The following GDF6 variants were observed in gnomAD, a reference collection of about 807,000 sequenced individuals.
GDF6 encodes growth/differentiation factor 6.
Under a neutral mutation model 32.4 loss-of-function variants are expected in GDF6, and 3 were observed. That is an observed-to-expected ratio of 0.09 (90% CI 0.04 to 0.24). GDF6 has a LOEUF of 0.24. Ranked by LOEUF, GDF6 falls within the 10% of genes least tolerant of loss-of-function variation. The pLI is 1.00. For missense variants in GDF6, 589 were observed against 637.9 expected, an observed-to-expected ratio of 0.92 and a Z score of 0.83; for synonymous variants, 296 against 295.3, an observed-to-expected ratio of 1.00 and a Z score of -0.03.
In GDF6 at chr8:96,145,500, C is replaced by T. The variant is rs1334355335; in HGVS notation, c.431G>A (p.Arg144Gln). The T allele has an allele frequency of 1.9e-6, 3 of 1,597,916 alleles. No individual in the cohort carries two copies. In the East Asian group the frequency reaches 6.7e-5, roughly 36 times the overall value. Residue 144 changes from arginine to glutamine, a missense_variant, in exon 2 of 2, where the codon CGG (arginine) becomes CAG (glutamine). Coordinates refer to ENST00000287020, the MANE Select transcript of GDF6 (RefSeq NM_001001557.4). This position sits in a 1 kb window ranked among gnomAD's most constrained non-coding sequence, Gnocchi z 5.6. Reference sequence around the variant, plus strand: ...CACATCAAACAAATACTTCTGTCTCCGGAGAGGAGTGTGCGAGAGATCGTC... The same window carrying T: ...CACATCAAACAAATACTTCTGTCTCTGGAGAGGAGTGTGCGAGAGATCGTC... ...GLDDLSHTPL[R>Q]RQKYLFDVSM...
chr8:96,155,252 C>T (rs1164596027), intron 1 of GDF6, among the ~76,000 whole-genome samples: 3 of 152,278 alleles, frequency 2.0e-5, no homozygotes. Context: ...CGCCAAGAAT[C>T]CCTGCGCAAC....
chr8:96,148,479 A>G (rs990483995), intron 1 of GDF6, among the ~76,000 whole-genome samples: 3 of 152,256 alleles, frequency 2.0e-5, no homozygotes, highest in African/African-American at 7.2e-5. Flanking sequence ...AATCTGCATC[A>G]TCAGCATCAC....
In GDF6 at chr8:96,144,501, T is replaced by C. The variant is rs1041765653; in HGVS notation, c.*62A>G. 1.3e-5 allele frequency: 21 copies of C among 1,586,148 alleles called. No homozygotes were observed. The highest frequency in any genetic ancestry group is 1.8e-5 in the Non-Finnish European group (21 of 1,166,638). ...TCCTCCGCCTCTCTGCAGCCAGGCC[T>C]CCCCTGCAAGGCGGACCTTGGCCCA... On this transcript the variant is annotated 3_prime_UTR_variant, in exon 2 of 2. Coordinates refer to ENST00000287020, the MANE Select transcript of GDF6 (RefSeq NM_001001557.4). This position sits in a 1 kb window ranked among gnomAD's most constrained non-coding sequence, Gnocchi z 5.1.
chr8:96,144,497 G>A lies in GDF6; in HGVS notation c.*66C>T. 5 of 1,578,692 alleles carry A rather than the reference G, an allele frequency of 3.2e-6. No homozygotes were observed. Among genetic ancestry groups the A allele is most frequent in the Middle Eastern group, 3.4e-4 (2 of 5,832 alleles). ...TTCCTCCTCCGCCTCTCTGCAGCCA[G>A]GCCTCCCCTGCAAGGCGGACCTTGG... On this transcript the variant is annotated 3_prime_UTR_variant, in exon 2 of 2. Transcript: ENST00000287020. The surrounding 1 kb of genome is among the most constrained non-coding windows in gnomAD (Gnocchi z 5.1).
Position 96,145,610 on chromosome 8 carries a change from C to T in GDF6, c.407-86G>A, listed in dbSNP as rs374477999. On this transcript the variant is annotated intron_variant, in intron 1 of 1. Transcript: ENST00000287020. This position sits in a 1 kb window ranked among gnomAD's most constrained non-coding sequence, Gnocchi z 5.6. The stretch of plus-strand genomic sequence containing the variant: ...TTCGGCCGCCCCGGGAGGAAAAGGG[C>T]GGGGAGTGGGGGCAGGTCGGCCGGG... The T allele has an allele frequency of 6.4e-5, 99 of 1,546,240 alleles. No homozygotes were observed. Among genetic ancestry groups the T allele is most frequent in the East Asian group, 4.1e-4 (18 of 44,406 alleles).
chr8:96,151,264 G>A (rs1057451779), intron 1 of GDF6, among the ~76,000 whole-genome samples: 26 of 152,210 alleles, frequency 1.7e-4, no homozygotes, highest in Admixed American at 6.5e-5. Flanking sequence ...ACTCATGCCT[G>A]ATCCCCCAGC....
chr8:96,153,743 G>A (rs1563512175), intron 1 of GDF6, among the ~76,000 whole-genome samples: 3 of 152,130 alleles, frequency 2.0e-5, no homozygotes, highest in Admixed American at 6.5e-5. Context: ...TTGCAGGTGG[G>A]GGCGAGGGTT....
Position 96,145,130 on chromosome 8 carries a change from C to G in GDF6, c.801G>C (p.Arg267=). ...CCCGCTCCTGGGGAGGCCGCACCCTCCGGCCGAAGCCCAGACTCCGCAGGT... is the reference window on the plus strand; with the variant it reads ...CCCGCTCCTGGGGAGGCCGCACCCTGCGGCCGAAGCCCAGACTCCGCAGGT... ...PPDLRSLGFG[R]RVRPPQERAL... The change falls in exon 2 of 2, where the codon CGG becomes CGC. Residue 267 remains arginine (R), a synonymous_variant. Coordinates refer to ENST00000287020, the MANE Select transcript of GDF6 (RefSeq NM_001001557.4). The surrounding 1 kb of genome is among the most constrained non-coding windows in gnomAD (Gnocchi z 5.6). 6.6e-7 allele frequency: 1 copy of G among 1,514,874 alleles called. No homozygotes were observed. The highest frequency in any genetic ancestry group is 8.8e-7 in the Non-Finnish European group (1 of 1,140,348). The allele number at this position is 1,514,874 out of a possible 1,614,324, so 93.8% of individuals were successfully genotyped here.
chr8:96,154,468 A>G (rs900213920), intron 1 of GDF6, among the ~76,000 whole-genome samples: 3 of 152,148 alleles, frequency 2.0e-5, no homozygotes, highest in Non-Finnish European at 4.4e-5. Flanking sequence ...TAAACAGGAG[A>G]TACTATTTAA....
chr8:96,154,353 G>A (rs1812623541), intron 1 of GDF6, among the ~76,000 whole-genome samples: 1 of 152,148 alleles, frequency 6.6e-6, no homozygotes, highest in South Asian at 2.1e-4. Flanking sequence ...CTCACCCCAA[G>A]TGGACCCAAC....
At chr8:96,146,625 T>C (rs534735081) in intron 1 of GDF6, among the ~76,000 whole-genome samples, 2 of 151,856 alleles carry the variant, frequency 1.3e-5, no homozygotes, top group East Asian at 1.9e-4. Context: ...GAGAAAAATA[T>C]ATACCTGGAA....
intron 1 of GDF6, among the ~76,000 whole-genome samples, chr8:96,154,202 G>A (rs1398523324): frequency 6.6e-6 from 1 of 152,038 alleles, no homozygotes; most frequent in East Asian, 1.9e-4. Context: ...GCCCGCCCCT[G>A]GCCTCTTTCA....
chr8:96,145,678 C>T lies in GDF6; in HGVS notation c.407-154G>A, dbSNP rs972498586. On this transcript the variant is annotated intron_variant, in intron 1 of 1. Coordinates refer to ENST00000287020, the MANE Select transcript of GDF6 (RefSeq NM_001001557.4). The surrounding 1 kb of genome is among the most constrained non-coding windows in gnomAD (Gnocchi z 5.6). ...CCCAGGGCCTGACCACCCCGGCTCC[C>T]CATCTGGCTGGTGCATGGCGCGGGG... 6.6e-6 allele frequency among the ~76,000 whole-genome samples: 1 copy of T among 152,204 alleles called. No individual in the cohort carries two copies. Among genetic ancestry groups the T allele is most frequent in the Admixed American group, 6.5e-5 (1 of 15,290 alleles).
intron 1 of GDF6, among the ~76,000 whole-genome samples, chr8:96,146,705 CACAG>C (rs1812490907): frequency 7.2e-6 from 1 of 138,366 alleles, no homozygotes; most frequent in African/African-American, 2.9e-5. Flanking sequence ...CACACACACA[CACAG>C]AGAGAGAGAG....
Position 96,145,181 on chromosome 8 carries a change from CCG to C in GDF6, c.748_749del (p.Arg250GlyfsTer188), listed in dbSNP as rs763824384. 47 of 1,497,550 alleles carry C rather than the reference CCG, an allele frequency of 3.1e-5. No individual in the cohort carries two copies. The highest frequency in any genetic ancestry group is 1.1e-4 in the South Asian group (9 of 79,684). The allele number at this position is 1,497,550 out of a possible 1,614,324, so 92.8% of individuals were successfully genotyped here. ...LDAGEAEARA[R>X]GPQQPPPPDL... ...CCGGGGGCGGCGGTTGCTGGGGTCC[CCG>C]CGCGCGCGCCTCGGCCTCCCCGGCG... On this transcript the variant is annotated frameshift_variant, in exon 2 of 2. Coordinates refer to ENST00000287020, the MANE Select transcript of GDF6 (RefSeq NM_001001557.4). LOFTEE classifies it high-confidence loss of function. The surrounding 1 kb of genome is among the most constrained non-coding windows in gnomAD (Gnocchi z 5.6).
chr8:96,159,737 G>A (rs983507574), intron 1 of GDF6, among the ~76,000 whole-genome samples: 3 of 152,248 alleles, frequency 2.0e-5, no homozygotes, highest in Non-Finnish European at 2.9e-5. Context: ...CCCAGCGCAG[G>A]GACCAACGGA....
chr8:96,143,767 T>G lies in GDF6; in HGVS notation c.*796A>C, dbSNP rs1314187065. On this transcript the variant is annotated 3_prime_UTR_variant, in exon 2 of 2. Coordinates refer to ENST00000287020, the MANE Select transcript of GDF6 (RefSeq NM_001001557.4). ...TTCTTGTCATTCCATCCATACCAGC[T>G]CCCCTTGCCCCCACCAGAAAAAGCA... 1 of 152,732 alleles carries G rather than the reference T, an allele frequency of 6.5e-6. No individual in the cohort carries two copies. Among genetic ancestry groups the G allele is most frequent in the African/African-American group, 2.4e-5 (1 of 41,358 alleles). 9.5% of individuals were successfully genotyped at this position (152,732 alleles called of 1,614,324 possible). A position where few individuals can be genotyped will look rare whatever the true frequency, so the allele number is the denominator to read the frequency against.
At chr8:96,158,715 T>C (rs1812712237) in intron 1 of GDF6, among the ~76,000 whole-genome samples, 1 of 152,110 alleles carries the variant, frequency 6.6e-6, no homozygotes, top group Admixed American at 6.5e-5. Context: ...GAAACAACTG[T>C]AGCAAGGCGT....
In GDF6 at chr8:96,143,624, A is replaced by C. The variant is rs1043514292; in HGVS notation, c.*939T>G. ...CTGTTGAAAGAAATCAATTAGAATC[A>C]GAAAGGGCATTTGGGTGGGCTACCT... On this transcript the variant is annotated 3_prime_UTR_variant, in exon 2 of 2. Coordinates refer to ENST00000287020, the MANE Select transcript of GDF6 (RefSeq NM_001001557.4). 1.3e-5 allele frequency: 2 copies of C among 152,704 alleles called. No homozygotes were observed. Among genetic ancestry groups the C allele is most frequent in the African/African-American group, 2.4e-5 (1 of 41,468 alleles). 9.5% of individuals were successfully genotyped at this position (152,704 alleles called of 1,614,324 possible).
Sources: allele counts gnomAD v4.1 joint callset (sites outside exome capture counted in the v4.1 genomes callset), GRCh38; gene constraint gnomAD v4.1.1; non-coding constraint Gnocchi (gnomAD v3.1); transcripts MANE v1.5; gene names NCBI Gene and HGNC (gene_info 2026-07-23, HGNC 2026-07-21).